MTBP: variants seen among roughly 807,000 people sequenced by gnomAD.
MTBP encodes the protein mdm2-binding protein.
In MTBP, 101 loss-of-function variants were observed where a neutral mutation model predicts 117.0. The ratio of observed to expected loss-of-function variants is 0.86; its 90% confidence interval spans 0.73 to 1.02. The LOEUF (loss-of-function observed/expected upper bound fraction) is 1.02, where lower values mean the gene tolerates loss of function less well. Among genes scored for constraint, MTBP ranks in the 50% least tolerant of loss-of-function variants. The probability of loss-of-function intolerance (pLI) is 0.00; values close to 1 mark genes in which losing one functional copy is unlikely to be tolerated. For synonymous variants in MTBP, 350 were observed against 351.5 expected (o/e 1.00, Z 0.05); for missense variants, 970 against 1,030.9 (o/e 0.94, Z 0.81).
In MTBP at chr8:120,451,194, G is replaced by A. The variant is rs751664625; in HGVS notation, c.297G>A (p.Glu99=). Residue 99 remains glutamate, a synonymous_variant, in exon 4 of 22, where the codon GAG becomes GAA. Coordinates refer to ENST00000305949, the MANE Select transcript of MTBP (RefSeq NM_022045.5). ...FYQFCSSDWQ[E]IHFDTEKDKI... is the part of the protein sequence containing the mutation. ...AGTTTTGTAGTTCTGATTGGCAAGA[G>A]ATACATTTTGATACAGAAAAAGATA... The A allele has an allele frequency of 1.2e-6, 2 of 1,606,876 alleles. No individual in the cohort carries two copies. The highest frequency in any genetic ancestry group is 1.7e-6 in the Non-Finnish European group (2 of 1,175,020).
At chr8:120,454,530 C>G (rs1301467801) in intron 5 of MTBP, among the ~76,000 whole-genome samples, 1 of 151,898 alleles carries the variant, frequency 6.6e-6, no homozygotes, top group Non-Finnish European at 1.5e-5. Context: ...GAAGAGTATT[C>G]TTTTCTGAAT....
chr8:120,482,177 T>G (rs1180222916), intron 11 of MTBP, among the ~76,000 whole-genome samples: 2 of 152,148 alleles, frequency 1.3e-5, no homozygotes, highest in East Asian at 1.9e-4. Flanking sequence ...TATCCAAGAT[T>G]GAGAACCTCT....
At chr8:120,482,702 C>G (rs1248487593) in intron 11 of MTBP, among the ~76,000 whole-genome samples, 1 of 141,488 alleles carries the variant, frequency 7.1e-6, no homozygotes, top group Admixed American at 7.0e-5. Context: ...TTTTTTTTTT[C>G]TTTCTTTCTT....
In MTBP at chr8:120,445,538, C is replaced by A; in HGVS notation, c.68C>A (p.Ala23Glu). The change falls in exon 1 of 22, where the codon GCA becomes GAA. Residue 23 changes from alanine (A) to glutamate (E), a missense_variant. Physicochemically the swap from Ala to Glu is moderately radical, Grantham distance 107. Coordinates refer to ENST00000305949, the MANE Select transcript of MTBP (RefSeq NM_022045.5). ...GKFPSAASRE[A>E]EHGPEVSSGE... is the part of the protein sequence containing the mutation. ...TTCCCGTCGGCGGCCAGTAGGGAGGCAGAACATGGGCCAGAGGTGTCGTCG... is the reference window on the plus strand; with the variant it reads ...TTCCCGTCGGCGGCCAGTAGGGAGGAAGAACATGGGCCAGAGGTGTCGTCG... 10 of 1,613,552 alleles carry A rather than the reference C, an allele frequency of 6.2e-6. No homozygotes were observed. Among genetic ancestry groups the A allele is most frequent in the Non-Finnish European group, 6.8e-6 (8 of 1,179,806 alleles).
intron 5 of MTBP, among the ~76,000 whole-genome samples, chr8:120,455,234 T>G (rs1202276105): frequency 6.6e-6 from 1 of 152,004 alleles, no homozygotes; most frequent in Non-Finnish European, 1.5e-5. Context: ...ATGATGAACA[T>G]TTAAAAAGTT....
rs539513165 is a variant in MTBP at position 120,478,840 on chromosome 8, C to T, written c.1165+7903C>T. On this transcript the variant is annotated intron_variant, in intron 11 of 21. Transcript: ENST00000305949. ...TATGCAGCCATAGAAAAAGATCGTA[C>T]ACGTATGCTACGGAATACTATGCAG... 2.6e-4 allele frequency among the ~76,000 whole-genome samples: 39 copies of T among 152,074 alleles called. No homozygotes were observed. The South Asian group carries it at 7.9e-3, about 31-fold the overall frequency.
chr8:120,504,057 C>CA (rs1338866051), intron 15 of MTBP, among the ~76,000 whole-genome samples: 5 of 151,998 alleles, frequency 3.3e-5, no homozygotes, highest in African/African-American at 1.2e-4. Flanking sequence ...GGAACTCACT[C>CA]AATTTGGAGT....
intron 10 of MTBP, among the ~76,000 whole-genome samples, chr8:120,468,832 A>T (rs1813753286): frequency 6.6e-6 from 1 of 151,992 alleles, no homozygotes. Context: ...CCTTTTTTTT[A>T]GTGCAAGTTT....
At chr8:120,453,810 T>G (rs1813412254) in intron 4 of MTBP, 37 bp from the exon 5 acceptor site, 1 of 1,025,638 alleles carries the variant, frequency 9.8e-7, no homozygotes, top group South Asian at 1.6e-5. Context: ...AATATATTTA[T>G]GGGGTTTTCT....
chr8:120,469,024 C>A (rs968132537), intron 10 of MTBP, among the ~76,000 whole-genome samples: 2 of 151,938 alleles, frequency 1.3e-5, no homozygotes, highest in Non-Finnish European at 2.9e-5. Flanking sequence ...ACTTATTGAG[C>A]TTTTGGGGGT....
intron 9 of MTBP, among the ~76,000 whole-genome samples, chr8:120,462,982 A>T (rs1424200654): frequency 6.6e-6 from 1 of 152,134 alleles, no homozygotes; most frequent in African/African-American, 2.4e-5. Flanking sequence ...TTTACATAAT[A>T]TTCAGTATAC....
intron 1 of MTBP, among the ~76,000 whole-genome samples, chr8:120,445,887 T>G (rs1200069995): frequency 6.6e-6 from 1 of 152,192 alleles, no homozygotes; most frequent in Non-Finnish European, 1.5e-5. Context: ...TATGCATTTA[T>G]TATTTCTGCT....
chr8:120,494,280 T>A (rs955405627), intron 13 of MTBP, among the ~76,000 whole-genome samples: 9 of 152,246 alleles, frequency 5.9e-5, no homozygotes, highest in Admixed American at 1.3e-4. Flanking sequence ...GCTCTTAAAA[T>A]TAATAAATGT....
intron 14 of MTBP, among the ~76,000 whole-genome samples, chr8:120,498,187 C>T (rs12675851): frequency 0.21 from 31,885 of 151,934 alleles, 3,507 homozygotes; most frequent in Middle Eastern, 0.28. Flanking sequence ...TTGCCTGTTT[C>T]GTCATGTTTA....
chr8:120,447,924 C>A (rs920357337), intron 2 of MTBP, among the ~76,000 whole-genome samples: 1 of 113,764 alleles, frequency 8.8e-6, no homozygotes, highest in African/African-American at 2.5e-5. Flanking sequence ...TTTTATTCTT[C>A]GATTTTTTTT....
Position 120,461,590 on chromosome 8 carries a change from C to T in MTBP, c.977+335C>T, listed in dbSNP as rs1813584269. On this transcript the variant is annotated intron_variant, in intron 9 of 21. Transcript: ENST00000305949. ...GTGATTGAGCCTTGCTTCTTTAATG[C>T]AATTATAATGTTCTCTGCTTGAGCA... Among the ~76,000 whole-genome samples, 2 of 152,098 alleles carry T rather than the reference C, an allele frequency of 1.3e-5. 1 individual carries two copies. The highest frequency in any genetic ancestry group is 4.1e-4 in the South Asian group (2 of 4,824).
intron 8 of MTBP, among the ~76,000 whole-genome samples, chr8:120,460,233 T>C (rs908553966): frequency 7.2e-5 from 11 of 152,164 alleles, no homozygotes; most frequent in Non-Finnish European, 1.6e-4. Context: ...TTCTAAAAAT[T>C]AGAATCGTAA....
rs1403608720 is a variant in MTBP, at chr8:120,481,128, A to G, written c.1166-7031A>G. Among the ~76,000 whole-genome samples, 5 of 152,174 alleles carry G rather than the reference A, an allele frequency of 3.3e-5. No individual in the cohort carries two copies. In the East Asian group the frequency reaches 9.6e-4, roughly 29 times the overall value. On this transcript the variant is annotated intron_variant, in intron 11 of 21. Coordinates refer to ENST00000305949, the MANE Select transcript of MTBP (RefSeq NM_022045.5). ...TTGGGAGATGCAAATTACAACCAAA[A>G]TGTGATTCTACAACACACTCACTAG...
intron 19 of MTBP, 76 bp from the exon 20 acceptor site, chr8:120,518,628 A>C: frequency 1.1e-6 from 1 of 923,988 alleles, no homozygotes; most frequent in South Asian, 1.8e-5. Context: ...AATTCACAGG[A>C]TTGAACTCTA....
Sources: allele counts gnomAD v4.1 joint callset (sites outside exome capture counted in the v4.1 genomes callset), GRCh38; gene constraint gnomAD v4.1.1; transcripts MANE v1.5; gene names NCBI Gene and HGNC (gene_info 2026-07-23, HGNC 2026-07-21).